PKP4: variants seen among roughly 807,000 people sequenced by gnomAD.
PKP4 encodes the protein plakophilin 4.
Under a neutral mutation model 145.1 loss-of-function variants are expected in PKP4, and 90 were observed. The observed-to-expected ratio is 0.62, with a 90% CI of 0.52 to 0.74. The LOEUF (loss-of-function observed/expected upper bound fraction) is 0.74. Among genes scored for constraint, PKP4 ranks in the 30% least tolerant of loss-of-function variants. The pLI, the probability that PKP4 is intolerant of heterozygous loss-of-function variation, is 0.00. For synonymous variants in PKP4, 563 were observed against 577.2 expected (o/e 0.98, Z 0.35); for missense variants, 1,340 against 1,482.7 (o/e 0.90, Z 1.58).
At chr2:158,651,926 C>T (rs1307025858) in intron 11 of PKP4, among the ~76,000 whole-genome samples, 7 of 152,128 alleles carry the variant, frequency 4.6e-5, no homozygotes, top group Non-Finnish European at 2.9e-5. Flanking sequence ...TTTGTCACAA[C>T]TGCCTGGTGG....
chr2:158,626,415 C>T (rs1435701914), intron 7 of PKP4, among the ~76,000 whole-genome samples: 1 of 152,108 alleles, frequency 6.6e-6, no homozygotes, highest in Non-Finnish European at 1.5e-5. Flanking sequence ...TTGCATTTTC[C>T]TCCTAATGGA....
chr2:158,680,039 T>A (rs988693625), intron 21 of PKP4, among the ~76,000 whole-genome samples: 1 of 152,198 alleles, frequency 6.6e-6, no homozygotes, highest in African/African-American at 2.4e-5. Context: ...TGCTAATAAT[T>A]CCCCTGTGTC....
At chr2:158,540,905 A>T (rs1465519083) in intron 2 of PKP4, among the ~76,000 whole-genome samples, 1 of 152,156 alleles carries the variant, frequency 6.6e-6, no homozygotes, top group African/African-American at 2.4e-5. Flanking sequence ...TTAAAATTAT[A>T]ATTTCCTTTT....
chr2:158,658,551 CAGT>C (rs1395494720), intron 12 of PKP4: 2 of 387,404 alleles, frequency 5.2e-6, no homozygotes, highest in Non-Finnish European at 9.0e-6. Context: ...AAGGCCCTTT[CAGT>C]CTAAGATTAC....
rs1323193727 is a variant in PKP4 at position 158,621,102 on chromosome 2, A to G, written c.393A>G (p.Thr131=). 1.2e-6 allele frequency: 2 copies of G among 1,614,162 alleles called. No individual in the cohort carries two copies. Among genetic ancestry groups the G allele is most frequent in the African/African-American group, 2.7e-5 (2 of 75,060 alleles). ...EQGTLYSPEQ[T]SLHESEGSLG... ...GAACCCTCTATTCACCAGAACAGAC[A>G]TCTCTCCATGAAAGTGAGGGTCTGT... The change falls in exon 5 of 22, where the codon ACA becomes ACG. Residue 131 remains threonine, a synonymous_variant. Coordinates refer to ENST00000389759, the MANE Select transcript of PKP4 (RefSeq NM_003628.6).
rs761352405 is a variant in PKP4 at position 158,663,356 on chromosome 2, T to C, written c.2488T>C (p.Tyr830His). 1 of 1,614,112 alleles carries C rather than the reference T, an allele frequency of 6.2e-7. No homozygotes were observed. Among genetic ancestry groups the C allele is most frequent in the South Asian group, 1.1e-5 (1 of 91,084 alleles). ...MLWHPSVVKP[Y>H]LTLLAESSNP... ...GTGGCACCCATCGGTGGTAAAACCA[T>C]ATCTGACTCTTCTAGCAGAAAGTTC... Residue 830 changes from tyrosine to histidine, a missense_variant, in exon 15 of 22, where the codon TAT (tyrosine) becomes CAT (histidine). Tyr to His is a moderately conservative substitution (Grantham distance 83). Coordinates refer to ENST00000389759, the MANE Select transcript of PKP4 (RefSeq NM_003628.6).
At chr2:158,490,372 C>CAAACAAAT (rs1694771127) in intron 1 of PKP4, among the ~76,000 whole-genome samples, 1 of 147,350 alleles carries the variant, frequency 6.8e-6, no homozygotes, top group South Asian at 2.1e-4. Context: ...AAAAAGACGG[C>CAAACAAAT]AAACAAATGT....
At chr2:158,493,685 T>C (rs546534288) in intron 1 of PKP4, among the ~76,000 whole-genome samples, 5 of 152,254 alleles carry the variant, frequency 3.3e-5, no homozygotes, top group African/African-American at 1.2e-4. Context: ...TTCTAGTCCC[T>C]GTAGGTGTCT....
intron 17 of PKP4, among the ~76,000 whole-genome samples, 156 bp downstream of exon 17, chr2:158,670,071 C>G (rs1481076108): frequency 6.6e-6 from 1 of 152,182 alleles, no homozygotes; most frequent in Non-Finnish European, 1.5e-5. Flanking sequence ...TTACAACCTG[C>G]TATGCTGGGA....
Position 158,642,560 on chromosome 2 carries a change from T to A in PKP4, c.1770T>A (p.Ala590=). Residue 590 remains alanine (A), a synonymous_variant, in exon 11 of 22, where the codon GCT becomes GCA. Transcript: ENST00000389759. ...GAGTTTTGGAAGTTCAGAAGAATGC[T>A]TGTGGTGCCCTTCGAAACCTCGTTT... ...DHRVLEVQKN[A]CGALRNLVFG... 1 of 1,613,896 alleles carries A rather than the reference T, an allele frequency of 6.2e-7. No homozygotes were observed. Among genetic ancestry groups the A allele is most frequent in the South Asian group, 1.1e-5 (1 of 91,050 alleles).
At position 158,520,388 on chromosome 2, in the gene PKP4, A is replaced by T. The variant is rs572693329; in HGVS notation, c.-5-12792A>T. 8.5e-5 allele frequency among the ~76,000 whole-genome samples: 13 copies of T among 152,362 alleles called. No individual in the cohort carries two copies. In the South Asian group the frequency reaches 2.1e-3, roughly 24 times the overall value. ...CCTTCTAGGCATTTATACATCGTAA[A>T]ATTATATTTAGTCTAGTTTTAAAAC... On this transcript the variant is annotated intron_variant, in intron 1 of 21. Coordinates refer to ENST00000389759, the MANE Select transcript of PKP4 (RefSeq NM_003628.6).
In PKP4 at chr2:158,680,877, G is replaced by C. The variant is rs1018216147; in HGVS notation, c.*200G>C. 3 of 539,990 alleles carry C rather than the reference G, an allele frequency of 5.6e-6. No individual in the cohort carries two copies. The African/African-American group carries it at 5.7e-5, about 10-fold the overall frequency. The allele number at this position is 539,990 out of a possible 1,614,324, so 33.4% of individuals were successfully genotyped here. A position where few individuals can be genotyped will look rare whatever the true frequency, so the allele number is the denominator to read the frequency against. ...AGAGGACTTTCTAAGCTCTATTTAG[G>C]TGTTAGATCTAATTACTTATAGATT... is the stretch of plus-strand genomic sequence containing the variant. On this transcript the variant is annotated 3_prime_UTR_variant, in exon 22 of 22. Coordinates refer to ENST00000389759, the MANE Select transcript of PKP4 (RefSeq NM_003628.6).
At chr2:158,475,360 C>A (rs1692299928) in intron 1 of PKP4, among the ~76,000 whole-genome samples, 1 of 151,988 alleles carries the variant, frequency 6.6e-6, no homozygotes, top group African/African-American at 2.4e-5. Flanking sequence ...GTCTTCAGCA[C>A]CCAGCACAGT....
chr2:158,561,173 C>A (rs1393340363), intron 2 of PKP4, among the ~76,000 whole-genome samples: 3 of 152,210 alleles, frequency 2.0e-5, no homozygotes, highest in African/African-American at 7.2e-5. Flanking sequence ...GCACACTCGT[C>A]ATTTATGTTT....
rs1298916948 is a variant in PKP4, at chr2:158,612,629, CA to C, written c.281-8360del. Reference sequence around the variant, plus strand: ...GTCCTATCTACACTTACTATGTTACCAGAGTACAGGAATGTAAATCTTCATG... The same window carrying C: ...GTCCTATCTACACTTACTATGTTACCGAGTACAGGAATGTAAATCTTCATG... On this transcript the variant is annotated intron_variant, in intron 4 of 21. Transcript: ENST00000389759. 2.0e-5 allele frequency among the ~76,000 whole-genome samples: 3 copies of C among 152,200 alleles called. No individual in the cohort carries two copies. In the East Asian group the frequency reaches 5.8e-4, roughly 29 times the overall value.
chr2:158,627,811 T>C (rs2052952350), intron 7 of PKP4, among the ~76,000 whole-genome samples: 1 of 151,634 alleles, frequency 6.6e-6, no homozygotes, highest in African/African-American at 2.4e-5. Flanking sequence ...ACCGTAATAA[T>C]AGCTAAACTA....
chr2:158,533,385 A>G, intron 2 of PKP4, 69 bp downstream of exon 2: 2 of 1,562,716 alleles, frequency 1.3e-6, no homozygotes, highest in South Asian at 1.1e-5. Context: ...ATCTTTGGAT[A>G]TGTTTTAAAT....
At chr2:158,576,654 T>C (rs2047877760) in intron 2 of PKP4, among the ~76,000 whole-genome samples, 1 of 152,244 alleles carries the variant, frequency 6.6e-6, no homozygotes, top group Admixed American at 6.5e-5. Flanking sequence ...TTTTAAATTC[T>C]ATGTTATGGC....
chr2:158,621,293 G>T lies in PKP4; in HGVS notation c.475G>T (p.Glu159Ter). Residue 159 changes from glutamate (E) to a stop codon, truncating the protein, a stop_gained, in exon 6 of 22, where the codon GAA becomes TAA. Transcript: ENST00000389759. LOFTEE classifies it high-confidence loss of function. ...MNSYSDSGYQ[E>*]AGSFHNSQNV... is the part of the protein sequence containing the mutation. Reference sequence around the variant, plus strand: ...TTCTTATTCCGACAGTGGATACCAGGAAGCAGGGAGTTTCCACAACAGCCA... The same window carrying T: ...TTCTTATTCCGACAGTGGATACCAGTAAGCAGGGAGTTTCCACAACAGCCA... 1 of 1,614,188 alleles carries T rather than the reference G, an allele frequency of 6.2e-7. No individual in the cohort carries two copies. The highest frequency in any genetic ancestry group is 8.5e-7 in the Non-Finnish European group (1 of 1,180,030).
Sources: allele counts gnomAD v4.1 joint callset (sites outside exome capture counted in the v4.1 genomes callset), GRCh38; gene constraint gnomAD v4.1.1; transcripts MANE v1.5; gene names NCBI Gene and HGNC (gene_info 2026-07-23, HGNC 2026-07-21).